The following GPC5 variants were observed in gnomAD, a reference collection of about 807,000 sequenced individuals.
The protein encoded by GPC5 is glypican 5.
Under a neutral mutation model 53.9 loss-of-function variants are expected in GPC5, and 47 were observed. That is an observed-to-expected ratio of 0.87 (90% CI 0.69 to 1.11). The LOEUF (loss-of-function observed/expected upper bound fraction) is 1.11. Among genes scored for constraint, GPC5 ranks in the 50% most tolerant of loss-of-function variants. The pLI is 0.00. For synonymous variants in GPC5, 286 were observed against 263.3 expected (o/e 1.09, Z -0.84); for missense variants, 748 against 713.1 (o/e 1.05, Z -0.56).
At chr13:91,572,866 G>A (rs2031987909) in intron 2 of GPC5, among the ~76,000 whole-genome samples, 3 of 152,092 alleles carry the variant, frequency 2.0e-5, no homozygotes, top group African/African-American at 7.2e-5. Flanking sequence ...CTTATGGTGT[G>A]CTTATTTCCT....
At chr13:92,216,770 A>T (rs1309365382) in intron 7 of GPC5, among the ~76,000 whole-genome samples, 1 of 152,064 alleles carries the variant, frequency 6.6e-6, no homozygotes, top group Non-Finnish European at 1.5e-5. Flanking sequence ...ACCTGAGGTC[A>T]GGAGTTTGAG....
At position 92,036,509 on chromosome 13, in the gene GPC5, A is replaced by T. The variant is rs183782530; in HGVS notation, c.1402-108321A>T. The stretch of plus-strand genomic sequence containing the variant: ...TCATGCATTATAAAAACAGAAGTTG[A>T]TTTCAAGCTGTTTGAATCAAGGCAT... On this transcript the variant is annotated intron_variant, in intron 6 of 7. Transcript: ENST00000377067. Among the ~76,000 whole-genome samples, 546 of 152,316 alleles carry T rather than the reference A, an allele frequency of 3.6e-3. 7 individuals carry two copies. The highest frequency in any genetic ancestry group is 0.012 in the African/African-American group (519 of 41,572).
At chr13:91,699,215 C>T (rs2035945013) in intron 3 of GPC5, among the ~76,000 whole-genome samples, 1 of 152,130 alleles carries the variant, frequency 6.6e-6, no homozygotes, top group African/African-American at 2.4e-5. Context: ...TCTAGGGTTG[C>T]TCCAGTTTCC....
chr13:92,634,647 T>C (rs1027419750), intron 7 of GPC5, among the ~76,000 whole-genome samples: 4 of 152,116 alleles, frequency 2.6e-5, no homozygotes, highest in African/African-American at 7.2e-5. Flanking sequence ...TCATTTATTC[T>C]TTTTCTATTT....
intron 6 of GPC5, among the ~76,000 whole-genome samples, chr13:92,030,029 C>T (rs937459402): frequency 6.6e-6 from 1 of 152,098 alleles, no homozygotes; most frequent in African/African-American, 2.4e-5. Flanking sequence ...CACAATACCT[C>T]CTGAGAATTT....
chr13:91,799,465 G>A (rs943480836), intron 5 of GPC5, among the ~76,000 whole-genome samples: 3 of 152,068 alleles, frequency 2.0e-5, no homozygotes, highest in Non-Finnish European at 2.9e-5. Context: ...ACTTGTACAT[G>A]TGTTCCCTGA....
At chr13:92,445,969 G>T (rs2139392456) in intron 7 of GPC5, among the ~76,000 whole-genome samples, 1 of 151,898 alleles carries the variant, frequency 6.6e-6, no homozygotes, top group Admixed American at 6.6e-5. Context: ...ATTTTTCTGA[G>T]TACATAGTAG....
intron 7 of GPC5, among the ~76,000 whole-genome samples, chr13:92,402,263 A>T (rs76398984): frequency 0.011 from 1,614 of 152,316 alleles, 26 homozygotes; most frequent in African/African-American, 0.036. Context: ...TTGGGCAAAC[A>T]AAATCACAAA....
At chr13:92,326,553 C>T (rs1926632) in intron 7 of GPC5, among the ~76,000 whole-genome samples, 45,823 of 151,864 alleles carry the variant, frequency 0.3, 7,259 homozygotes, top group South Asian at 0.4. Flanking sequence ...CTATGAAAAA[C>T]TGCAACATCA....
In GPC5 at chr13:91,869,585, T is replaced by G. The variant is rs192766786; in HGVS notation, c.1281-38352T>G. On this transcript the variant is annotated intron_variant, in intron 5 of 7. Transcript: ENST00000377067. ...CCTACATTATTGCTGAGATTTTAAT[T>G]TTGGTACTTCTATGGCCTCTTTATC... is the stretch of plus-strand genomic sequence containing the variant. 6.8e-4 allele frequency among the ~76,000 whole-genome samples: 103 copies of G among 152,288 alleles called. 2 individuals carry two copies. The South Asian group carries it at 0.02, about 30-fold the overall frequency.
intron 1 of GPC5, among the ~76,000 whole-genome samples, chr13:91,401,168 C>A (rs1594037822): frequency 6.6e-6 from 1 of 151,866 alleles, no homozygotes; most frequent in East Asian, 1.9e-4. Flanking sequence ...ATCCACCCCC[C>A]AAAAAAGGCA....
In GPC5 at chr13:92,023,665, G is replaced by GACACACACACACACAC. The variant is rs367677767; in HGVS notation, c.1401+115623_1401+115638dup. 1.3e-4 allele frequency among the ~76,000 whole-genome samples: 19 copies of GACACACACACACACAC among 141,224 alleles called. No homozygotes were observed. The East Asian group carries it at 2.9e-3, about 22-fold the overall frequency. 92.6% of individuals were successfully genotyped at this position (141,224 alleles called of 152,430 possible). The stretch of plus-strand genomic sequence containing the variant: ...TCCTTAAAAATCCTCCTTTGCTGAG[G>GACACACACACACACAC]ACACACACACACACACACACACACA... On this transcript the variant is annotated intron_variant, in intron 6 of 7. Transcript: ENST00000377067.
At chr13:92,740,884 A>T (rs1450102390) in intron 7 of GPC5, among the ~76,000 whole-genome samples, 1 of 85,818 alleles carries the variant, frequency 1.2e-5, no homozygotes, top group South Asian at 3.6e-4. Context: ...GTATGTATGT[A>T]TATTTATTTA....
At chr13:92,024,469 T>C (rs146619100) in intron 6 of GPC5, among the ~76,000 whole-genome samples, 109 of 152,280 alleles carry the variant, frequency 7.2e-4, no homozygotes, top group African/African-American at 2.5e-3. Flanking sequence ...TTTCTTTCCT[T>C]TATAAAAGCT....
rs1272200044 is a variant in GPC5, at chr13:91,716,789, G to T, written c.1021-11743G>T. Among the ~76,000 whole-genome samples, 3 of 152,188 alleles carry T rather than the reference G, an allele frequency of 2.0e-5. No individual in the cohort carries two copies. The East Asian group carries it at 5.8e-4, about 29-fold the overall frequency. ...AAGGTCTCCATGCGATCAGAAGGAAGGCATGATATTATATTTGAGTACTCT... is the reference window on the plus strand; with the variant it reads ...AAGGTCTCCATGCGATCAGAAGGAATGCATGATATTATATTTGAGTACTCT... On this transcript the variant is annotated intron_variant, in intron 3 of 7. Transcript: ENST00000377067.
rs144742921 is a variant in GPC5, at chr13:92,168,628, C to T, written c.1561+23639C>T. Among the ~76,000 whole-genome samples the T allele has an allele frequency of 4.9e-3, 752 of 152,146 alleles. 9 individuals carry two copies. Among genetic ancestry groups the T allele is most frequent in the African/African-American group, 0.016 (667 of 41,518 alleles). On this transcript the variant is annotated intron_variant, in intron 7 of 7. Transcript: ENST00000377067. ...AGAGAAATCCAAATCAAAACCACAACGAGATACCATCTCACACCAGTCAGA... is the reference window on the plus strand; with the variant it reads ...AGAGAAATCCAAATCAAAACCACAATGAGATACCATCTCACACCAGTCAGA...
intron 7 of GPC5, among the ~76,000 whole-genome samples, chr13:92,671,022 C>T (rs1886731668): frequency 6.6e-6 from 1 of 152,110 alleles, no homozygotes; most frequent in South Asian, 2.1e-4. Flanking sequence ...CATAATAGTA[C>T]AGGGGTAGTC....
intron 2 of GPC5, among the ~76,000 whole-genome samples, chr13:91,677,833 A>T (rs1013871297): frequency 3.9e-5 from 6 of 152,182 alleles, no homozygotes; most frequent in African/African-American, 1.2e-4. Context: ...TAGTGCATTT[A>T]AAAAGGGCTG....
chr13:91,805,918 T>G (rs1233022398), intron 5 of GPC5, among the ~76,000 whole-genome samples: 4 of 152,170 alleles, frequency 2.6e-5, no homozygotes, highest in Non-Finnish European at 5.9e-5. Flanking sequence ...ATGTTGTTTT[T>G]TAGCAGTGGA....
Sources: allele counts gnomAD v4.1 joint callset (sites outside exome capture counted in the v4.1 genomes callset), GRCh38; gene constraint gnomAD v4.1.1; transcripts MANE v1.5; gene names NCBI Gene and HGNC (gene_info 2026-07-23, HGNC 2026-07-21).